Variants in FGF12 observed in about 807,000 individuals in gnomAD.
FGF12 encodes fibroblast growth factor 12, also known as fibroblast growth factor 12B.
A neutral mutation model predicts 23.6 loss-of-function variants in FGF12; 14 were observed. The observed-to-expected ratio is 0.59, with a 90% CI of 0.39 to 0.93. The LOEUF is 0.93. Ranked by LOEUF, FGF12 falls within the 40% of genes least tolerant of loss-of-function variation. FGF12 has a pLI of 0.00. For synonymous variants in FGF12, 62 were observed against 77.3 expected (o/e 0.80, Z 1.04); for missense variants, 175 against 217.8 (o/e 0.80, Z 1.24).
intron 2 of FGF12, among the ~76,000 whole-genome samples, chr3:192,704,636 G>T (rs969493234): frequency 6.6e-6 from 1 of 152,166 alleles, no homozygotes; most frequent in African/African-American, 2.4e-5. Context: ...GTCACCAGCT[G>T]CATTAGCCCC....
At chr3:192,512,931 T>C (rs1724533935) in intron 2 of FGF12, among the ~76,000 whole-genome samples, 1 of 147,718 alleles carries the variant, frequency 6.8e-6, no homozygotes, top group Non-Finnish European at 1.5e-5. Context: ...TAGTGACTTA[T>C]TGAGAATGTG....
chr3:192,229,118 G>A (rs138261869), intron 4 of FGF12, among the ~76,000 whole-genome samples: 1 of 151,428 alleles, frequency 6.6e-6, no homozygotes, highest in African/African-American at 2.4e-5. Context: ...TAACTTCTGG[G>A]ACATGGCTGA....
intron 4 of FGF12, among the ~76,000 whole-genome samples, chr3:192,226,278 A>T (rs959204080): frequency 6.6e-6 from 1 of 152,186 alleles, no homozygotes; most frequent in African/African-American, 2.4e-5. Flanking sequence ...CATGATTACC[A>T]TAATATGTCA....
chr3:192,204,937 T>A (rs1264264215), intron 4 of FGF12, among the ~76,000 whole-genome samples: 3 of 151,320 alleles, frequency 2.0e-5, no homozygotes, highest in African/African-American at 4.9e-5. Context: ...AAAGAAAAAA[T>A]TTGCACTCCT....
chr3:192,507,334 TACAC>T (rs35433581), intron 2 of FGF12, among the ~76,000 whole-genome samples: 5,299 of 144,638 alleles, frequency 0.037, 271 homozygotes, highest in African/African-American at 0.12. Flanking sequence ...TTTGACCAAA[TACAC>T]ACACACACAC....
At chr3:192,701,502 A>G (rs111249320) in intron 2 of FGF12, among the ~76,000 whole-genome samples, 7 of 152,260 alleles carry the variant, frequency 4.6e-5, no homozygotes, top group African/African-American at 1.7e-4. Context: ...CACATTAATT[A>G]TTTTTCAAAG....
intron 2 of FGF12, among the ~76,000 whole-genome samples, chr3:192,651,089 C>T (rs1336707303): frequency 1.3e-5 from 2 of 152,194 alleles, no homozygotes; most frequent in Non-Finnish European, 2.9e-5. Context: ...CAGACACCTA[C>T]TAGGAAGTTA....
intron 2 of FGF12, among the ~76,000 whole-genome samples, chr3:192,373,344 A>G (rs1322384506): frequency 2.0e-5 from 3 of 151,730 alleles, no homozygotes; most frequent in Non-Finnish European, 4.4e-5. Context: ...TTTCATCTAT[A>G]AAACGACTGT....
At chr3:192,158,236 C>G (rs1212440004) in intron 5 of FGF12, among the ~76,000 whole-genome samples, 1 of 152,134 alleles carries the variant, frequency 6.6e-6, no homozygotes, top group Non-Finnish European at 1.5e-5. Flanking sequence ...TCACACCTTC[C>G]CCTTGTACCT....
chr3:192,195,017 T>C (rs962951259), intron 4 of FGF12, among the ~76,000 whole-genome samples: 1 of 152,168 alleles, frequency 6.6e-6, no homozygotes, highest in African/African-American at 2.4e-5. Context: ...GAGAAAAGCA[T>C]CTCCACCAAG....
chr3:192,333,722 T>A (rs960441249), intron 4 of FGF12, among the ~76,000 whole-genome samples: 1 of 151,874 alleles, frequency 6.6e-6, no homozygotes, highest in Admixed American at 6.6e-5. Context: ...TAAAGGAAAA[T>A]TTTCCCTTCA....
chr3:192,594,168 G>T (rs575516961), intron 2 of FGF12, among the ~76,000 whole-genome samples: 128 of 151,940 alleles, frequency 8.4e-4, no homozygotes, highest in African/African-American at 2.9e-3. Context: ...GAAACACGGG[G>T]TGCATAACTG....
intron 2 of FGF12, among the ~76,000 whole-genome samples, chr3:192,556,096 AG>A (rs1711761111): frequency 6.6e-6 from 1 of 152,158 alleles, no homozygotes; most frequent in East Asian, 1.9e-4. Flanking sequence ...CAACAAGAGA[AG>A]AAAGGAGGAC....
At chr3:192,335,267 C>T in intron 4 of FGF12, 94 bp downstream of exon 4, 1 of 816,288 alleles carries the variant, frequency 1.2e-6, no homozygotes, top group South Asian at 1.7e-5. Context: ...ATGACTTCAA[C>T]TTCCAATTTT....
At chr3:192,597,516 G>C (rs1285627632) in intron 2 of FGF12, among the ~76,000 whole-genome samples, 1 of 149,538 alleles carries the variant, frequency 6.7e-6, no homozygotes, top group East Asian at 1.9e-4. Flanking sequence ...GAGCCACAAA[G>C]GGGAAAAAAG....
At chr3:192,253,743 A>C (rs1427603289) in intron 4 of FGF12, among the ~76,000 whole-genome samples, 2 of 152,110 alleles carry the variant, frequency 1.3e-5, no homozygotes, top group Non-Finnish European at 2.9e-5. Context: ...AAAAAGATGC[A>C]GGAAATTTTC....
intron 2 of FGF12, among the ~76,000 whole-genome samples, chr3:192,718,851 G>T (rs768137719): frequency 2.6e-5 from 4 of 152,108 alleles, no homozygotes; most frequent in African/African-American, 9.7e-5. Context: ...CTTAAAATTT[G>T]ATGTGGTAAT....
chr3:192,557,835 T>C (rs935551818), intron 2 of FGF12, among the ~76,000 whole-genome samples: 1 of 151,836 alleles, frequency 6.6e-6, no homozygotes. Context: ...ATCAACTCAA[T>C]AGATGCAGAA....
At chr3:192,539,852 A>G (rs1725321631) in intron 2 of FGF12, among the ~76,000 whole-genome samples, 1 of 149,378 alleles carries the variant, frequency 6.7e-6, no homozygotes, top group African/African-American at 2.5e-5. Flanking sequence ...CCAGTTTTGG[A>G]TTTTTTTTCA....
Sources: allele counts gnomAD v4.1 joint callset (sites outside exome capture counted in the v4.1 genomes callset), GRCh38; gene constraint gnomAD v4.1.1; transcripts MANE v1.5; gene names NCBI Gene and HGNC (gene_info 2026-07-23, HGNC 2026-07-21).